Variants in SOX5 observed in about 807,000 individuals in gnomAD.
SOX5 encodes SRY-box transcription factor 5.
In SOX5, 9 loss-of-function variants were observed where a neutral mutation model predicts 92.0. The ratio of observed to expected loss-of-function variants is 0.10; its 90% CI spans 0.06 to 0.17. SOX5 has a LOEUF of 0.17. SOX5 is among the 10% of genes least tolerant of loss of function. SOX5 has a pLI of 1.00. For missense variants in SOX5, 642 were observed against 944.5 expected (o/e 0.68, Z 4.20); for synonymous variants, 344 against 336.3 (o/e 1.02, Z -0.25).
intron 3 of SOX5, among the ~76,000 whole-genome samples, chr12:24,268,080 A>G (rs912327133): frequency 6.6e-6 from 1 of 152,196 alleles, no homozygotes; most frequent in East Asian, 1.9e-4. Context: ...AAGCATTTCT[A>G]CTGAGATGGC....
At chr12:23,919,900 C>A (rs1314330944) in intron 1 of SOX5, 1 of 152,172 alleles carries the variant, frequency 6.6e-6, no homozygotes, top group Non-Finnish European at 1.5e-5. Context: ...ATGAGTGAGA[C>A]AGTTTGAAAA....
chr12:23,595,346 G>C (rs889188066), intron 9 of SOX5, among the ~76,000 whole-genome samples: 3 of 152,076 alleles, frequency 2.0e-5, no homozygotes, highest in African/African-American at 7.2e-5. Flanking sequence ...TTGTGGGCCG[G>C]ACACGGTGGC....
chr12:24,376,689 C>CTTTTTTTTTTTTTTTTTT (rs1480014070), intron 1 of SOX5, among the ~76,000 whole-genome samples: 1 of 93,084 alleles, frequency 1.1e-5, no homozygotes, highest in African/African-American at 4.1e-5. Context: ...GGGAGAGATA[C>CTTTTTTTTTTTTTTTTTT]CTTTTTTTTT....
chr12:24,560,206 A>G (rs1275694912), intron 1 of SOX5, among the ~76,000 whole-genome samples: 2 of 152,196 alleles, frequency 1.3e-5, no homozygotes, highest in Admixed American at 6.5e-5. Flanking sequence ...ATTTCAAGCA[A>G]GTATGCTACT....
intron 6 of SOX5, among the ~76,000 whole-genome samples, chr12:23,703,517 G>A (rs563204310): frequency 3.3e-5 from 5 of 151,960 alleles, no homozygotes; most frequent in African/African-American, 1.2e-4. Context: ...ATCAGCGAGT[G>A]AAAAAGCTGA....
At chr12:23,686,447 C>T (rs2139926273) in intron 6 of SOX5, among the ~76,000 whole-genome samples, 1 of 152,222 alleles carries the variant, frequency 6.6e-6, no homozygotes, top group African/African-American at 2.4e-5. Context: ...CAAAAATATT[C>T]CCCAACTAAA....
chr12:24,131,516 T>C (rs1211805804), intron 4 of SOX5, among the ~76,000 whole-genome samples: 2 of 152,226 alleles, frequency 1.3e-5, no homozygotes, highest in Non-Finnish European at 2.9e-5. Flanking sequence ...TGATTACATT[T>C]CACAATTTAA....
chr12:23,650,918 A>C (rs2081479368), intron 7 of SOX5, among the ~76,000 whole-genome samples: 1 of 152,152 alleles, frequency 6.6e-6, no homozygotes, highest in Non-Finnish European at 1.5e-5. Context: ...GAGACTGCAG[A>C]TAGATATGTT....
chr12:24,113,397 G>GT (rs1299319781), intron 4 of SOX5, among the ~76,000 whole-genome samples: 2 of 151,530 alleles, frequency 1.3e-5, no homozygotes, highest in African/African-American at 4.8e-5. Context: ...ATATTTATTT[G>GT]TTTTCATATT....
chr12:24,319,559 C>G (rs1950016655), intron 2 of SOX5, among the ~76,000 whole-genome samples: 1 of 152,168 alleles, frequency 6.6e-6, no homozygotes, highest in African/African-American at 2.4e-5. Flanking sequence ...TTTTCTTTCT[C>G]CAAGCCCTCT....
At chr12:23,745,482 G>C (rs1010276346) in intron 4 of SOX5, among the ~76,000 whole-genome samples, 1 of 152,064 alleles carries the variant, frequency 6.6e-6, no homozygotes, top group African/African-American at 2.4e-5. Context: ...AGAAAAAACT[G>C]TCAAGTCATT....
intron 1 of SOX5, among the ~76,000 whole-genome samples, chr12:23,945,436 C>T (rs1477477153): frequency 6.6e-6 from 1 of 152,132 alleles, no homozygotes; most frequent in African/African-American, 2.4e-5. Context: ...TGTCACCTGA[C>T]ATTTAACCCT....
chr12:23,559,864 C>G (rs371045758), intron 11 of SOX5, among the ~76,000 whole-genome samples: 2 of 152,108 alleles, frequency 1.3e-5, no homozygotes, highest in African/African-American at 4.8e-5. Flanking sequence ...TTATCTCTCT[C>G]ACTCCTTACC....
At chr12:24,233,572 A>G (rs566577676) in intron 3 of SOX5, among the ~76,000 whole-genome samples, 8 of 152,348 alleles carry the variant, frequency 5.3e-5, no homozygotes, top group African/African-American at 1.9e-4. Context: ...TGTGTAAGCG[A>G]ACTTTAAGTT....
Position 24,224,543 on chromosome 12 carries a change from A to G in SOX5, c.-76-11126T>C, listed in dbSNP as rs1594482087. ...ATGATTAAGAATATTCTGAGGATGT[A>G]TGTGTGTGTGTGTGGGTGTGTGTGT... On this transcript the variant is annotated intron_variant, in intron 3 of 4. Coordinates refer to the SOX5 transcript ENST00000446891. 2.6e-5 allele frequency among the ~76,000 whole-genome samples: 4 copies of G among 151,122 alleles called. No homozygotes were observed. In the South Asian group the frequency reaches 8.4e-4, roughly 32 times the overall value.
chr12:24,084,784 T>C (rs912675014), intron 4 of SOX5, among the ~76,000 whole-genome samples: 3 of 152,112 alleles, frequency 2.0e-5, no homozygotes. Context: ...TGCCTTTTAA[T>C]AGTTGTTCTG....
At chr12:24,505,856 T>TGTGTGTGTGTGTGTGCGCGC (rs1389149108) in intron 1 of SOX5, among the ~76,000 whole-genome samples, 2 of 99,634 alleles carry the variant, frequency 2.0e-5, no homozygotes, top group African/African-American at 7.7e-5. Context: ...TGTGTGTGCG[T>TGTGTGTGTGTGTGTGCGCGC]GTGTGTGTGT....
intron 9 of SOX5, among the ~76,000 whole-genome samples, chr12:23,592,938 G>A (rs1165443510): frequency 6.6e-6 from 1 of 151,996 alleles, no homozygotes; most frequent in East Asian, 1.9e-4. Context: ...AATTAGCTGG[G>A]TGTGGCAGCA....
At chr12:24,310,772 A>G (rs1466844267) in intron 2 of SOX5, among the ~76,000 whole-genome samples, 1 of 152,212 alleles carries the variant, frequency 6.6e-6, no homozygotes, top group African/African-American at 2.4e-5. Flanking sequence ...TATGACAGGG[A>G]AACAGACAAA....
Sources: gnomAD v4.1 joint callset for allele counts (sites outside exome capture counted in the v4.1 genomes callset) on GRCh38, gnomAD v4.1.1 for gene constraint, MANE v1.5 for transcripts, NCBI Gene and HGNC (gene_info 2026-07-23, HGNC 2026-07-21) for gene names.